Variants in DLGAP4 observed in about 807,000 individuals in gnomAD.
DLGAP4 encodes disks large-associated protein 4.
DLGAP4 carries 18 observed loss-of-function variants against 86.9 expected under a neutral mutation model. The observed-to-expected ratio is 0.21, with a 90% CI of 0.14 to 0.31. DLGAP4 has a LOEUF of 0.31. Among genes scored for constraint, DLGAP4 ranks in the 10% least tolerant of loss-of-function variants. The pLI is 1.00. For synonymous variants in DLGAP4, 548 were observed against 574.3 expected, an observed-to-expected ratio of 0.95 and a Z score of 0.65; for missense variants, 1,085 against 1,362.6, an observed-to-expected ratio of 0.80 and a Z score of 3.21.
chr20:36,510,686 C>T (rs2036643083), intron 10 of DLGAP4, among the ~76,000 whole-genome samples: 3 of 152,092 alleles, frequency 2.0e-5, no homozygotes, highest in Admixed American at 1.3e-4. Context: ...CCTAGGATTA[C>T]AGGTGTGAGC....
At chr20:36,452,165 G>A (rs766693547) in intron 7 of DLGAP4, among the ~76,000 whole-genome samples, 2 of 151,898 alleles carry the variant, frequency 1.3e-5, no homozygotes, top group Non-Finnish European at 2.9e-5. Flanking sequence ...TCCTCTAAAC[G>A]CTCCTTGAAG....
Position 36,500,286 on chromosome 20 carries a change from T to C in DLGAP4, c.2187T>C (p.Ser729=). 6.2e-7 allele frequency: 1 copy of C among 1,613,542 alleles called. No individual in the cohort carries two copies. Among genetic ancestry groups the C allele is most frequent in the Non-Finnish European group, 8.5e-7 (1 of 1,179,724 alleles). Residue 729 remains serine (S), a synonymous_variant, in exon 10 of 13, where the codon TCT becomes TCC. Transcript: ENST00000339266. This position sits in a 1 kb window ranked among gnomAD's most constrained non-coding sequence, Gnocchi z 4.6. The part of the protein sequence containing the change: ...QDANDSSCKS[S]ERSLPDCTPH... The stretch of plus-strand genomic sequence containing the variant: ...CCAATGACTCAAGCTGTAAGTCATC[T>C]GAGAGGAGCCTCCCGGACTGTACCC...
chr20:36,381,461 A>G (rs770245994), intron 2 of DLGAP4, among the ~76,000 whole-genome samples: 6 of 152,252 alleles, frequency 3.9e-5, no homozygotes, highest in Non-Finnish European at 5.9e-5. Flanking sequence ...GTGGCCTACC[A>G]TGTACAAGAC....
chr20:36,523,258 G>C (rs1280587029), intron 10 of DLGAP4, among the ~76,000 whole-genome samples: 2 of 152,036 alleles, frequency 1.3e-5, no homozygotes, highest in Non-Finnish European at 1.5e-5. Context: ...GCCTCCCTAA[G>C]TGCTGGGATT....
At chr20:36,347,110 T>A (rs782477648) in intron 1 of DLGAP4, among the ~76,000 whole-genome samples, 33 of 151,518 alleles carry the variant, frequency 2.2e-4, no homozygotes, top group Non-Finnish European at 4.0e-4. Flanking sequence ...CTCTGTCTGG[T>A]TGGGGAGATG....
At chr20:36,419,024 C>T (rs2032746689) in intron 2 of DLGAP4, among the ~76,000 whole-genome samples, 1 of 152,180 alleles carries the variant, frequency 6.6e-6, no homozygotes, top group African/African-American at 2.4e-5. Context: ...CCCAGCGCCA[C>T]CCCCTTCTGG....
rs1196623747 is a variant in DLGAP4 at position 36,431,010 on chromosome 20, C to T, written c.-72-636C>T. 6.6e-6 allele frequency among the ~76,000 whole-genome samples: 1 copy of T among 151,856 alleles called. No individual in the cohort carries two copies. Among genetic ancestry groups the T allele is most frequent in the African/African-American group, 2.4e-5 (1 of 41,320 alleles). On this transcript the variant is annotated intron_variant, in intron 2 of 12. Coordinates refer to ENST00000339266, the MANE Select transcript of DLGAP4 (RefSeq NM_001365621.2). This position sits in a 1 kb window ranked among gnomAD's most constrained non-coding sequence, Gnocchi z 5.1. Reference sequence around the variant, plus strand: ...GCCCTCTAAAAGTCCATGTTTTTCCCCATAAGGCAAGGAGAGTTCAGGAGC... The same window carrying T: ...GCCCTCTAAAAGTCCATGTTTTTCCTCATAAGGCAAGGAGAGTTCAGGAGC...
At chr20:36,327,308 A>C (rs1260691911) in intron 1 of DLGAP4, among the ~76,000 whole-genome samples, 1 of 151,568 alleles carries the variant, frequency 6.6e-6, no homozygotes, top group African/African-American at 2.4e-5. Flanking sequence ...CCTAAGATTT[A>C]CTCTTTACCA....
chr20:36,477,989 G>A (rs1169776506), intron 7 of DLGAP4, among the ~76,000 whole-genome samples: 1 of 152,172 alleles, frequency 6.6e-6, no homozygotes. Flanking sequence ...TGAAATAGAT[G>A]TTTGCTTTTC....
chr20:36,486,509 T>C (rs2035419387), intron 7 of DLGAP4, among the ~76,000 whole-genome samples: 3 of 142,674 alleles, frequency 2.1e-5, no homozygotes, highest in African/African-American at 5.3e-5. Flanking sequence ...ATTTGAGGAA[T>C]AGCAAAAGGC....
In DLGAP4 at chr20:36,434,997, A is replaced by G. The variant is rs905387447; in HGVS notation, c.1000-1112A>G. Among the ~76,000 whole-genome samples, 24 of 152,140 alleles carry G rather than the reference A, an allele frequency of 1.6e-4. 1 individual carries two copies. Among genetic ancestry groups the G allele is most frequent in the African/African-American group, 5.3e-4 (22 of 41,508 alleles). On this transcript the variant is annotated intron_variant, in intron 3 of 12. Coordinates refer to ENST00000339266, the MANE Select transcript of DLGAP4 (RefSeq NM_001365621.2). ...GATACACGTTGAGATGTGTGTCCAC[A>G]GTGCAGTAGTTGCTGGCGCGAATGT...
chr20:36,307,061 C>A (rs6089048), intron 1 of DLGAP4, among the ~76,000 whole-genome samples: 3,060 of 152,242 alleles, frequency 0.02, 46 homozygotes, highest in Middle Eastern at 0.054. Flanking sequence ...CCGGCTCCCC[C>A]CTTCCCGAGC....
At position 36,476,988 on chromosome 20, in the gene DLGAP4, C is replaced by T. The variant is rs1008095595; in HGVS notation, c.1649-19717C>T. Among the ~76,000 whole-genome samples, 4 of 151,908 alleles carry T rather than the reference C, an allele frequency of 2.6e-5. No homozygotes were observed. In the East Asian group the frequency reaches 7.7e-4, roughly 29 times the overall value. ...GATTACAGGCGTGAGCTACCATGCC[C>T]AGCCCTCTCTGGCCCATTTTAAGGA... On this transcript the variant is annotated intron_variant, in intron 7 of 12. Coordinates refer to ENST00000339266, the MANE Select transcript of DLGAP4 (RefSeq NM_001365621.2).
rs546024401 is a variant in DLGAP4, at chr20:36,490,200, C to T, written c.1649-6505C>T. Among the ~76,000 whole-genome samples, 11 of 152,146 alleles carry T rather than the reference C, an allele frequency of 7.2e-5. No individual in the cohort carries two copies. In the South Asian group the frequency reaches 8.3e-4, roughly 11 times the overall value. On this transcript the variant is annotated intron_variant, in intron 7 of 12. Transcript: ENST00000339266. ...AGGCACAGTGAGGGAGGTGGCTCTC[C>T]GACTGAAACAGTGGGAAAGGAGAGG...
chr20:36,483,507 A>G (rs371907781), intron 7 of DLGAP4, among the ~76,000 whole-genome samples: 5 of 152,296 alleles, frequency 3.3e-5, no homozygotes, highest in South Asian at 2.1e-4. Flanking sequence ...GAGAGAGTGA[A>G]TTAGTCTGGT....
intron 2 of DLGAP4, among the ~76,000 whole-genome samples, chr20:36,374,768 G>A (rs999791163): frequency 6.6e-6 from 1 of 152,184 alleles, no homozygotes. Flanking sequence ...CTCCAGAGAT[G>A]GGGAGCTCAC....
intron 7 of DLGAP4, chr20:36,461,377 G>A (rs1214256380): frequency 1.2e-6 from 1 of 851,466 alleles, no homozygotes; most frequent in Non-Finnish European, 1.4e-6. Flanking sequence ...CCCGGCCCGG[G>A]AGTCCCTGAC....
At chr20:36,390,430 C>T (rs1380861078) in intron 2 of DLGAP4, among the ~76,000 whole-genome samples, 1 of 152,178 alleles carries the variant, frequency 6.6e-6, no homozygotes, top group Non-Finnish European at 1.5e-5. Flanking sequence ...AGTTCCCCTT[C>T]CTTACCCTGA....
At chr20:36,346,870 A>G (rs2029958323) in intron 1 of DLGAP4, among the ~76,000 whole-genome samples, 1 of 152,136 alleles carries the variant, frequency 6.6e-6, no homozygotes, top group African/African-American at 2.4e-5. Context: ...GCCAAAAATG[A>G]GTTGTCACAG....
Sources: gnomAD v4.1 joint callset for allele counts (sites outside exome capture counted in the v4.1 genomes callset) on GRCh38, gnomAD v4.1.1 for gene constraint, Gnocchi (gnomAD v3.1) non-coding constraint, MANE v1.5 for transcripts, NCBI Gene and HGNC (gene_info 2026-07-23, HGNC 2026-07-21) for gene names.